Variants in TRIM64C observed in about 807,000 individuals in gnomAD.
TRIM64C encodes the protein tripartite motif-containing protein 64C.
In TRIM64C, 25 loss-of-function variants were observed where a neutral mutation model predicts 36.1. The ratio of observed to expected loss-of-function variants is 0.69; its 90% CI spans 0.51 to 0.97. TRIM64C has a LOEUF of 0.97. TRIM64C is among the 50% of genes least tolerant of loss of function. TRIM64C has a pLI of 0.00. For missense variants in TRIM64C, 489 were observed against 536.8 expected (o/e 0.91, Z 0.88); for synonymous variants, 212 against 185.7 (o/e 1.14, Z -1.15).
rs571924956 is a variant in TRIM64C, at chr11:49,058,237, A to G, written c.413-65T>C. On this transcript the variant is annotated intron_variant, in intron 1 of 5. Coordinates refer to ENST00000617704, the MANE Select transcript of TRIM64C (RefSeq NM_001206631.1). ...GTAGATCTTATCCCTTTATCAATAA[A>G]AAAAAGGCCGTAATTGAAAGAAACA... The G allele has an allele frequency of 6.0e-5, 67 of 1,118,878 alleles. 1 individual carries two copies. Among genetic ancestry groups the G allele is most frequent in the Admixed American group, 8.9e-5 (3 of 33,840 alleles). 69.3% of individuals were successfully genotyped at this position (1,118,878 alleles called of 1,614,324 possible).
chr11:49,057,691 T>TA (rs905313997), intron 2 of TRIM64C: 2 of 467,346 alleles, frequency 4.3e-6, no homozygotes, highest in Non-Finnish European at 7.7e-6. Context: ...GCCTAAATGT[T>TA]AAAAAACATT....
rs1191362281 is a variant in TRIM64C, at chr11:49,058,965, T to C, written c.148A>G (p.Met50Val). ...ATTTTTCTGCACAAAGGGCAGCGCA[T>C]TGGTGCTCTGCCTTCTTCTGAGCAG... ...CLCSEEGRAP[M>V]RCPLCRKISE... Residue 50 changes from methionine (M) to valine (V), a missense_variant, in exon 1 of 6, where the codon ATG (methionine) becomes GTG (valine). Transcript: ENST00000617704. The C allele has an allele frequency of 6.4e-6, 10 of 1,551,256 alleles. No homozygotes were observed. Among genetic ancestry groups the C allele is most frequent in the Non-Finnish European group, 7.8e-6 (9 of 1,146,900 alleles).
rs1179770235 is a variant in TRIM64C, at chr11:49,056,366, A to G, written c.754T>C (p.Ser252Pro). 3 of 1,542,876 alleles carry G rather than the reference A, an allele frequency of 1.9e-6. No homozygotes were observed. In the Admixed American group the frequency reaches 5.9e-5, roughly 31 times the overall value. Residue 252 changes from serine (S) to proline (P), a missense_variant, in exon 4 of 6, where the codon TCG becomes CCG. Physicochemically the swap from Ser to Pro is moderately conservative, Grantham distance 74. Transcript: ENST00000617704. ...VELLQDVGNI[S>P]ARTDLAQMPK... ...TTTTTAGTGTAAACTCACCTTGCCGATATATTTCCCACATCCTGCAAAAAA... is the reference window on the plus strand; with the variant it reads ...TTTTTAGTGTAAACTCACCTTGCCGGTATATTTCCCACATCCTGCAAAAAA...
chr11:49,058,984 T>G lies in TRIM64C; in HGVS notation c.129A>C (p.Ser43=), dbSNP rs7947781. ...AGCGCATTGGTGCTCTGCCTTCTTC[T>G]GAGCAGAGGCAGAGGCAGGGCCTGC... ...SFCRPCLCLC[S]EEGRAPMRCP... Residue 43 remains serine (S), a synonymous_variant, in exon 1 of 6, where the codon TCA becomes TCC. Coordinates refer to ENST00000617704, the MANE Select transcript of TRIM64C (RefSeq NM_001206631.1). 5.7e-3 allele frequency: 8,873 copies of G among 1,551,400 alleles called. 685 individuals carry two copies. In the African/African-American group the frequency reaches 0.11, roughly 19 times the overall value.
intron 2 of TRIM64C, 168 bp downstream of exon 2, chr11:49,057,901 TTTGGCTAGC>T: frequency 1.8e-6 from 1 of 545,884 alleles, no homozygotes; most frequent in African/African-American, 1.9e-5. Flanking sequence ...CTAGAATTAA[TTTGGCTAGC>T]TTGTGTGGGC....
In TRIM64C at chr11:49,057,353, A is replaced by G. The variant is rs1180541777; in HGVS notation, c.533T>C (p.Ile178Thr). The G allele has an allele frequency of 6.5e-7, 1 of 1,549,764 alleles. No homozygotes were observed. The highest frequency in any genetic ancestry group is 2.4e-5 in the East Asian group (1 of 40,920). ...LVDYVSLRKV[I>T]ITIQYQKMHI... The stretch of plus-strand genomic sequence containing the variant: ...CATCTTTTGATACTGAATAGTGATT[A>G]TCACCTTCCTTAATGACACATAGTC... The change falls in exon 3 of 6, where the codon ATA becomes ACA. Residue 178 changes from isoleucine to threonine, a missense_variant. Coordinates refer to ENST00000617704, the MANE Select transcript of TRIM64C (RefSeq NM_001206631.1).
chr11:49,057,523 T>C, intron 2 of TRIM64C, 145 bp from the exon 3 acceptor site: 3 of 872,482 alleles, frequency 3.4e-6, no homozygotes, highest in Non-Finnish European at 5.3e-6. Context: ...TATCTTTTTC[T>C]GTCCATCTTT....
chr11:49,053,888 A>G lies in TRIM64C; in HGVS notation c.1179T>C (p.Ser393=). Residue 393 remains serine (S), a synonymous_variant, in exon 6 of 6, where the codon TCT becomes TCC. Coordinates refer to ENST00000617704, the MANE Select transcript of TRIM64C (RefSeq NM_001206631.1). ...TTTGCACATACTGGATTAAAGGTGG[A>G]GAATTGGTGGAGAGACTATAGTGAT... ...TSNHYSLSTN[S]PPLIQYVQRP... is the part of the protein sequence containing the mutation. 1.3e-6 allele frequency: 2 copies of G among 1,551,770 alleles called. No individual in the cohort carries two copies. The highest frequency in any genetic ancestry group is 1.7e-6 in the Non-Finnish European group (2 of 1,146,864).
rs1438192805 is a variant in TRIM64C at position 49,053,891 on chromosome 11, A to G, written c.1176T>C (p.Asn392=). 1 of 1,551,756 alleles carries G rather than the reference A, an allele frequency of 6.4e-7. No homozygotes were observed. ...GCACATACTGGATTAAAGGTGGAGA[A>G]TTGGTGGAGAGACTATAGTGATTGC... is the stretch of plus-strand genomic sequence containing the variant. The part of the protein sequence containing the change: ...KTSNHYSLST[N]SPPLIQYVQR... Residue 392 remains asparagine, a synonymous_variant, in exon 6 of 6, where the codon AAT becomes AAC. Coordinates refer to ENST00000617704, the MANE Select transcript of TRIM64C (RefSeq NM_001206631.1).
chr11:49,056,135 G>A (rs1854810863), intron 4 of TRIM64C, among the ~76,000 whole-genome samples: 1 of 149,892 alleles, frequency 6.7e-6, no homozygotes, highest in African/African-American at 2.5e-5. Context: ...TGGATTAGGA[G>A]AACAAACTTC....
rs1205723985 is a variant in TRIM64C, at chr11:49,055,308, G to A, written c.859+2C>T. The A allele has an allele frequency of 3.3e-6, 5 of 1,535,810 alleles. No homozygotes were observed. The highest frequency in any genetic ancestry group is 4.4e-6 in the Non-Finnish European group (5 of 1,146,812). On this transcript the variant is annotated splice_donor_variant, in intron 5 of 5. Transcript: ENST00000617704. LOFTEE classifies it low-confidence loss of function (GC_TO_GT_DONOR). ...CTGGACTGCCAAGCAGCTGGCTCTT[G>A]CCTCTGAAGTTGTTGAGCATGTCTA...
rs555189322 is a variant in TRIM64C at position 49,057,163 on chromosome 11, G to A, written c.723C>T (p.Asp241=). Residue 241 remains aspartate, a synonymous_variant, in exon 3 of 6, where the codon GAC becomes GAT. Transcript: ENST00000617704. ...RELWETYHMP[D]VELLQDVGNI... Reference sequence around the variant, plus strand: ...CCCTCCTCACCTGGAGCAGCTCCACGTCAGGCATGTGGTATGTCTCCCACA... The same window carrying A: ...CCCTCCTCACCTGGAGCAGCTCCACATCAGGCATGTGGTATGTCTCCCACA... 45 of 1,549,332 alleles carry A rather than the reference G, an allele frequency of 2.9e-5. No homozygotes were observed. The highest frequency in any genetic ancestry group is 2.3e-4 in the Middle Eastern group (1 of 4,364).
In TRIM64C at chr11:49,057,308, T is replaced by C. The variant is rs1309088876; in HGVS notation, c.578A>G (p.Glu193Gly). 6.5e-7 allele frequency: 1 copy of C among 1,549,784 alleles called. No individual in the cohort carries two copies. The highest frequency in any genetic ancestry group is 1.2e-5 in the South Asian group (1 of 83,968). Residue 193 changes from glutamate (E) to glycine (G), a missense_variant, in exon 3 of 6, where the codon GAG (glutamate) becomes GGG (glycine). Glu to Gly is a moderately conservative substitution (Grantham distance 98). Transcript: ENST00000617704. ...YQKMHIFLDE[E>G]EQRHLQALER... ...CAGTGCCTGCAGATGCCGTTGCTCCTCCTCATCGAGAAATATATGCATCTT... is the reference window on the plus strand; with the variant it reads ...CAGTGCCTGCAGATGCCGTTGCTCCCCCTCATCGAGAAATATATGCATCTT...
Position 49,056,444 on chromosome 11 carries a change from T to C in TRIM64C, c.739-63A>G. 4.6e-6 allele frequency: 6 copies of C among 1,305,586 alleles called. No individual in the cohort carries two copies. The South Asian group carries it at 7.7e-5, about 17-fold the overall frequency. The allele number at this position is 1,305,586 out of a possible 1,614,324, so 80.9% of individuals were successfully genotyped here. On this transcript the variant is annotated intron_variant, in intron 3 of 5. Coordinates refer to ENST00000617704, the MANE Select transcript of TRIM64C (RefSeq NM_001206631.1). ...ATTTTTCCTTCTGCATCTTTTCTCA[T>C]ACTCTTGTTTCTTTCTGTTTTAGTG...
Position 49,054,158 on chromosome 11 carries a change from A to G in TRIM64C, c.909T>C (p.Ser303=). The change falls in exon 6 of 6, where the codon TCT becomes TCC. Residue 303 remains serine, a synonymous_variant. Coordinates refer to ENST00000617704, the MANE Select transcript of TRIM64C (RefSeq NM_001206631.1). The part of the protein sequence containing the change: ...TEMTPCYISL[S]EDVRRVIFGD... ...CAAATATCACACGTCTCACATCCTCAGAAAGGCTTATATAGCAAGGAGTCA... is the reference window on the plus strand; with the variant it reads ...CAAATATCACACGTCTCACATCCTCGGAAAGGCTTATATAGCAAGGAGTCA... The G allele has an allele frequency of 3.9e-6, 6 of 1,551,584 alleles. No homozygotes were observed. The East Asian group carries it at 9.8e-5, about 25-fold the overall frequency.
chr11:49,056,933 G>C (rs1854820903), intron 3 of TRIM64C, among the ~76,000 whole-genome samples: 1 of 151,786 alleles, frequency 6.6e-6, no homozygotes, highest in South Asian at 2.1e-4. Flanking sequence ...ATATTGAAGA[G>C]AACTTTGTTA....
chr11:49,054,256 C>G (rs762318416), intron 5 of TRIM64C, 49 bp from the exon 6 acceptor site: 2 of 1,510,454 alleles, frequency 1.3e-6, no homozygotes, highest in Non-Finnish European at 8.9e-7. Flanking sequence ...GGGACAGAGG[C>G]TCTGTGGCCC....
rs1854779459 is a variant in TRIM64C at position 49,053,945 on chromosome 11, T to C, written c.1122A>G (p.Lys374=). The change falls in exon 6 of 6, where the codon AAA becomes AAG. Residue 374 remains lysine, a synonymous_variant. Coordinates refer to ENST00000617704, the MANE Select transcript of TRIM64C (RefSeq NM_001206631.1). ...TCTTTGAAGAAATTGAAAAAAATGT[T>C]TTGTCAGAATCAATAACTATATTGG... The part of the protein sequence containing the change: ...ADTNIVIDSD[K]TFFSISSKTS... 1.9e-6 allele frequency: 3 copies of C among 1,551,566 alleles called. No individual in the cohort carries two copies. Among genetic ancestry groups the C allele is most frequent in the Non-Finnish European group, 2.6e-6 (3 of 1,146,834 alleles).
intron 5 of TRIM64C, 130 bp from the exon 6 acceptor site, chr11:49,054,337 T>A: frequency 1.0e-6 from 1 of 999,952 alleles, no homozygotes; most frequent in Non-Finnish European, 1.4e-6. Flanking sequence ...TTCAGCCCCA[T>A]GCATCCATGA....
Sources: allele counts gnomAD v4.1 joint callset (sites outside exome capture counted in the v4.1 genomes callset), GRCh38; gene constraint gnomAD v4.1.1; transcripts MANE v1.5; gene names NCBI Gene and HGNC (gene_info 2026-07-23, HGNC 2026-07-21).